The following PTPN2 variants were observed in gnomAD, a reference collection of about 807,000 sequenced individuals.
PTPN2 encodes tyrosine-protein phosphatase non-receptor type 2.
In PTPN2, 19 loss-of-function variants were observed where a neutral mutation model predicts 57.3. That is an observed-to-expected ratio of 0.33 (90% CI 0.23 to 0.49). The LOEUF is 0.49. Ranked by LOEUF, PTPN2 falls within the 20% of genes least tolerant of loss-of-function variation. PTPN2 has a pLI of 0.99. For synonymous variants in PTPN2, 153 were observed against 164.9 expected (o/e 0.93, Z 0.55); for missense variants, 358 against 501.1 (o/e 0.71, Z 2.73).
At chr18:12,849,105 G>A (rs1055345585) in intron 2 of PTPN2, among the ~76,000 whole-genome samples, 2 of 152,192 alleles carry the variant, frequency 1.3e-5, no homozygotes, top group Non-Finnish European at 2.9e-5. Context: ...ATCATTATGA[G>A]TGATGTTGTT....
At chr18:12,873,293 C>T (rs186410266) in intron 1 of PTPN2, among the ~76,000 whole-genome samples, 3 of 147,802 alleles carry the variant, frequency 2.0e-5, no homozygotes, top group Admixed American at 1.3e-4. Flanking sequence ...CGTCTCCCCA[C>T]GGTCTCCCTC....
chr18:12,843,061 G>T (rs1299630122), intron 2 of PTPN2, among the ~76,000 whole-genome samples: 1 of 152,180 alleles, frequency 6.6e-6, no homozygotes, highest in Non-Finnish European at 1.5e-5. Flanking sequence ...CGACGCAGAT[G>T]AAAAACATGG....
intron 2 of PTPN2, among the ~76,000 whole-genome samples, chr18:12,855,342 A>T (rs368405548): frequency 6.6e-6 from 1 of 152,146 alleles, no homozygotes; most frequent in African/African-American, 2.4e-5. Flanking sequence ...ATATTTATAC[A>T]AAAGAGAAGA....
chr18:12,856,787 T>C (rs967991643), intron 2 of PTPN2, among the ~76,000 whole-genome samples: 15 of 152,234 alleles, frequency 9.9e-5, no homozygotes, highest in African/African-American at 3.4e-4. Context: ...CAGCTGGGCA[T>C]GGTGGCTCAT....
intron 1 of PTPN2, among the ~76,000 whole-genome samples, chr18:12,874,171 G>C (rs1345622602): frequency 6.7e-6 from 1 of 149,908 alleles, no homozygotes; most frequent in Non-Finnish European, 1.5e-5. Context: ...GTCAGCCCCC[G>C]CCAGGCGAGC....
At chr18:12,836,458 G>C (rs1361124265) in intron 3 of PTPN2, among the ~76,000 whole-genome samples, 1 of 152,208 alleles carries the variant, frequency 6.6e-6, no homozygotes, top group Non-Finnish European at 1.5e-5. Flanking sequence ...TTGCCACAGG[G>C]TATGGGAAGA....
chr18:12,830,254 GT>G (rs1253205648), intron 4 of PTPN2, among the ~76,000 whole-genome samples: 1 of 151,942 alleles, frequency 6.6e-6, no homozygotes, highest in Admixed American at 6.6e-5. Context: ...GGTTCAAGCG[GT>G]TCTCCTGCCT....
At chr18:12,841,040 T>C in intron 2 of PTPN2, 1 of 1,322,964 alleles carries the variant, frequency 7.6e-7, no homozygotes, top group African/African-American at 1.5e-5. Flanking sequence ...ACATTATTTG[T>C]TTGAAGCTTT....
At chr18:12,788,473 G>A (rs758398492), downstream of PTPN2, among the ~76,000 whole-genome samples, 81 of 112,390 alleles carry the variant, frequency 7.2e-4, no homozygotes, top group Admixed American at 1.4e-3. Flanking sequence ...GGGTTTCACC[G>A]TGTTGCCCAG....
At chr18:12,847,226 C>A (rs2043240877) in intron 2 of PTPN2, among the ~76,000 whole-genome samples, 1 of 152,162 alleles carries the variant, frequency 6.6e-6, no homozygotes. Context: ...TCTAGAAGAT[C>A]TGACAGTGAG....
At chr18:12,821,819 T>A (rs2042278421) in intron 5 of PTPN2, among the ~76,000 whole-genome samples, 1 of 152,174 alleles carries the variant, frequency 6.6e-6, no homozygotes, top group Non-Finnish European at 1.5e-5. Context: ...ACACAGACTT[T>A]TTTTGGTAAC....
rs1475428007 is a variant in PTPN2 at position 12,884,146 on chromosome 18, G to A, written c.-5C>T. On this transcript the variant is annotated 5_prime_UTR_variant, in exon 1 of 9. Transcript: ENST00000309660. Reference sequence around the variant, plus strand: ...CCGCTCGATGGTGGTGGGCATGGCTGCGGGAGCGAGCTGGCGCGAGCAGAG... The same window carrying A: ...CCGCTCGATGGTGGTGGGCATGGCTACGGGAGCGAGCTGGCGCGAGCAGAG... 2.5e-6 allele frequency: 4 copies of A among 1,579,542 alleles called. No homozygotes were observed. The highest frequency in any genetic ancestry group is 4.7e-5 in the East Asian group (2 of 42,348).
At chr18:12,849,015 T>C (rs561270266) in intron 2 of PTPN2, among the ~76,000 whole-genome samples, 1 of 152,336 alleles carries the variant, frequency 6.6e-6, no homozygotes, top group Admixed American at 6.5e-5. Flanking sequence ...GACAGAAGTA[T>C]AATGTTAAGT....
chr18:12,868,127 C>T (rs1012496123), intron 1 of PTPN2, among the ~76,000 whole-genome samples: 8 of 152,204 alleles, frequency 5.3e-5, no homozygotes, highest in African/African-American at 1.7e-4. Flanking sequence ...CTTACCACTG[C>T]GCTTTGGTCA....
intron 7 of PTPN2, among the ~76,000 whole-genome samples, chr18:12,813,014 CA>C (rs2041947334): frequency 3.5e-5 from 3 of 86,138 alleles, no homozygotes. Context: ...ACTAAAGACA[CA>C]AAACTTAAAA....
At position 12,859,274 on chromosome 18, in the gene PTPN2, AT is replaced by A; in HGVS notation, c.70-21del. 6.7e-7 allele frequency: 1 copy of A among 1,503,384 alleles called. No individual in the cohort carries two copies. The highest frequency in any genetic ancestry group is 9.2e-7 in the Non-Finnish European group (1 of 1,089,526). 93.1% of individuals were successfully genotyped at this position (1,503,384 alleles called of 1,614,324 possible). On this transcript the variant is annotated intron_variant, in intron 1 of 8. Coordinates refer to ENST00000309660, the MANE Select transcript of PTPN2 (RefSeq NM_002828.4). ...AATTTCCTTAAAATAACAAAAATAT[AT>A]TTTAATATCCCTCTTAAATTCTCCA...
intron 7 of PTPN2, among the ~76,000 whole-genome samples, chr18:12,804,589 A>C (rs2145260531): frequency 6.6e-6 from 1 of 152,214 alleles, no homozygotes; most frequent in African/African-American, 2.4e-5. Context: ...AAGTATTGTA[A>C]GAGACTATTA....
intron 1 of PTPN2, among the ~76,000 whole-genome samples, chr18:12,882,989 G>C (rs926627695): frequency 3.3e-5 from 5 of 152,182 alleles, no homozygotes; most frequent in Non-Finnish European, 1.5e-5. Flanking sequence ...AAGAGATAAA[G>C]TTTTGTTTGA....
rs12958222 is a variant in PTPN2, at chr18:12,870,284, C to T, written c.70-11030G>A. 4.5e-3 allele frequency among the ~76,000 whole-genome samples: 281 copies of T among 63,052 alleles called. 2 individuals are homozygous for T. The highest frequency in any genetic ancestry group is 0.033 in the African/African-American group (254 of 7,722). The allele number at this position is 63,052 out of a possible 152,430, so 41.4% of individuals were successfully genotyped here. On this transcript the variant is annotated intron_variant, in intron 1 of 8. Transcript: ENST00000309660. ...ATATATATATATATGTATATATATA[C>T]ATATACATATATATGTGTATATATA... is the stretch of plus-strand genomic sequence containing the variant.
Sources: allele counts gnomAD v4.1 joint callset (sites outside exome capture counted in the v4.1 genomes callset), GRCh38; gene constraint gnomAD v4.1.1; transcripts MANE v1.5; gene names NCBI Gene and HGNC (gene_info 2026-07-23, HGNC 2026-07-21).